Variants in TCERG1 observed in about 807,000 individuals in gnomAD.
TCERG1 encodes the protein transcription elongation regulator 1.
Under a neutral mutation model 144.7 loss-of-function variants are expected in TCERG1, and 37 were observed. That is an observed-to-expected ratio of 0.26 (90% CI 0.20 to 0.34). The LOEUF (loss-of-function observed/expected upper bound fraction) is 0.34, where lower values mean the gene tolerates loss of function less well. TCERG1 is among the 10% of genes least tolerant of loss of function. TCERG1 has a pLI of 1.00. For synonymous variants in TCERG1, 492 were observed against 458.2 expected (o/e 1.07, Z -0.94); for missense variants, 1,027 against 1,380.7 (o/e 0.74, Z 4.06).
chr5:146,510,416 C>G (rs1345707732), intron 22 of TCERG1, 25 bp from the exon 23 acceptor site: 1 of 1,560,644 alleles, frequency 6.4e-7, no homozygotes. Context: ...GTCAGTAATT[C>G]TTGGACTTCT....
chr5:146,482,115 CATT>C (rs1765413446), intron 13 of TCERG1: 1 of 152,118 alleles, frequency 6.6e-6, no homozygotes, highest in Non-Finnish European at 1.5e-5. Context: ...ATTACTAAAA[CATT>C]ATACCACTTA....
intron 9 of TCERG1, among the ~76,000 whole-genome samples, chr5:146,473,715 G>C (rs180673602): frequency 2.5e-4 from 38 of 152,306 alleles, no homozygotes; most frequent in African/African-American, 8.2e-4. Flanking sequence ...TTTATAAATG[G>C]AACAGCAGAG....
Position 146,507,886 on chromosome 5 carries a change from C to A in TCERG1, c.2975C>A (p.Ser992Tyr). 1 of 1,608,652 alleles carries A rather than the reference C, an allele frequency of 6.2e-7. No individual in the cohort carries two copies. Among genetic ancestry groups the A allele is most frequent in the South Asian group, 1.1e-5 (1 of 89,890 alleles). ...GTCTTTTCAAAGATTACCTTAACATCCACGTGGAAAGAAGTAAAAAAAATC... is the reference window on the plus strand; with the variant it reads ...GTCTTTTCAAAGATTACCTTAACATACACGTGGAAAGAAGTAAAAAAAATC... ...LDETSAITLT[S>Y]TWKEVKKIIK... Residue 992 changes from serine (S) to tyrosine (Y), a missense_variant, in exon 21 of 23, where the codon TCC becomes TAC. This residue lies in a region of TCERG1 where 133 missense variants were observed against 283.2 expected (regional missense o/e 0.47). Coordinates refer to ENST00000679501, the MANE Select transcript of TCERG1 (RefSeq NM_001382548.1). The surrounding 1 kb of genome is among the most constrained non-coding windows in gnomAD (Gnocchi z 4.6).
chr5:146,463,889 A>G (rs527717162), intron 5 of TCERG1, 96 bp downstream of exon 5: 2 of 1,532,100 alleles, frequency 1.3e-6, no homozygotes, highest in African/African-American at 1.4e-5. Context: ...TTTGCCTTGA[A>G]TCTCACCTGT....
intron 9 of TCERG1, among the ~76,000 whole-genome samples, chr5:146,473,902 G>GC (rs1245367567): frequency 2.0e-5 from 3 of 152,184 alleles, no homozygotes; most frequent in Non-Finnish European, 4.4e-5. Flanking sequence ...GTGTTTTCAT[G>GC]CCGCTAACAA....
chr5:146,468,315 C>T lies in TCERG1; in HGVS notation c.1136-26C>T, dbSNP rs370301195. ...CCGACATACAATGGCAGCTTTCCAACGTATGCTTGCTTATCCATTTTACAG... is the reference window on the plus strand; with the variant it reads ...CCGACATACAATGGCAGCTTTCCAATGTATGCTTGCTTATCCATTTTACAG... On this transcript the variant is annotated intron_variant, in intron 5 of 22. Coordinates refer to ENST00000679501, the MANE Select transcript of TCERG1 (RefSeq NM_001382548.1). 1.7e-5 allele frequency: 26 copies of T among 1,541,642 alleles called. 1 individual carries two copies. The highest frequency in any genetic ancestry group is 2.4e-5 in the East Asian group (1 of 41,118).
intron 1 of TCERG1, among the ~76,000 whole-genome samples, chr5:146,448,314 A>T (rs1270445978): frequency 6.6e-6 from 1 of 151,884 alleles, no homozygotes; most frequent in Non-Finnish European, 1.5e-5. Flanking sequence ...CATTTCCTTG[A>T]ACAGTGCAGT....
chr5:146,462,403 G>A (rs1038808874), intron 4 of TCERG1, among the ~76,000 whole-genome samples: 8 of 152,142 alleles, frequency 5.3e-5, no homozygotes, highest in African/African-American at 1.9e-4. Context: ...TTTTATTTTG[G>A]AACTAGATGG....
intron 9 of TCERG1, among the ~76,000 whole-genome samples, chr5:146,477,031 A>G (rs1764902964): frequency 6.6e-6 from 1 of 152,154 alleles, no homozygotes; most frequent in Non-Finnish European, 1.5e-5. Flanking sequence ...CTCAAAGTGC[A>G]GGTGTGAGAA....
intron 6 of TCERG1, 142 bp from the exon 7 acceptor site, chr5:146,469,402 C>A: frequency 1.6e-6 from 1 of 626,864 alleles, no homozygotes; most frequent in Non-Finnish European, 2.5e-6. Context: ...TTTTATGTCA[C>A]CTTTTTATAT....
intron 1 of TCERG1, 63 bp downstream of exon 1, chr5:146,447,471 C>T (rs571346986): frequency 2.6e-5 from 41 of 1,567,642 alleles, no homozygotes; most frequent in Non-Finnish European, 3.4e-5. Flanking sequence ...AGACGCTAGA[C>T]CTGCCATGTG....
At chr5:146,460,111 G>C (rs1485744453) in intron 4 of TCERG1, among the ~76,000 whole-genome samples, 1 of 152,052 alleles carries the variant, frequency 6.6e-6, no homozygotes, top group Non-Finnish European at 1.5e-5. Context: ...ACTGGGATGC[G>C]AGTAGGTGAA....
intron 1 of TCERG1, among the ~76,000 whole-genome samples, chr5:146,454,082 A>G (rs1411169334): frequency 2.6e-5 from 4 of 151,058 alleles, no homozygotes; most frequent in South Asian, 4.2e-4. Flanking sequence ...ATGGTGGCGC[A>G]TGCCTGTAGT....
At chr5:146,482,359 A>AT in intron 13 of TCERG1, 1 of 317,324 alleles carries the variant, frequency 3.2e-6, no homozygotes, top group Non-Finnish European at 5.7e-6. Context: ...TTAAAGGTGT[A>AT]TTTTTTTCCT....
intron 1 of TCERG1, among the ~76,000 whole-genome samples, chr5:146,454,079 C>T (rs1182187991): frequency 1.3e-5 from 2 of 150,318 alleles, no homozygotes; most frequent in African/African-American, 2.4e-5. Flanking sequence ...GGCATGGTGG[C>T]GCATGCCTGT....
intron 9 of TCERG1, among the ~76,000 whole-genome samples, chr5:146,477,348 CTG>C (rs1764933735): frequency 1.3e-5 from 2 of 152,254 alleles, no homozygotes; most frequent in South Asian, 4.1e-4. Flanking sequence ...GACTTGACAA[CTG>C]TTGATTAATT....
At chr5:146,474,627 A>G (rs112035255) in intron 9 of TCERG1, among the ~76,000 whole-genome samples, 5 of 152,246 alleles carry the variant, frequency 3.3e-5, no homozygotes, top group African/African-American at 1.2e-4. Context: ...AGAAAACTTC[A>G]TATTTGTCTT....
chr5:146,465,210 G>T (rs1358227784), intron 5 of TCERG1, among the ~76,000 whole-genome samples: 1 of 152,068 alleles, frequency 6.6e-6, no homozygotes, highest in Non-Finnish European at 1.5e-5. Context: ...TGTAATTTTG[G>T]TCTGCTTTAG....
chr5:146,452,179 A>G (rs1443156551), intron 1 of TCERG1, among the ~76,000 whole-genome samples: 1 of 152,190 alleles, frequency 6.6e-6, no homozygotes, highest in Non-Finnish European at 1.5e-5. Context: ...GTAATCTATA[A>G]GCAGAGGGTT....
Sources: allele counts gnomAD v4.1 joint callset (sites outside exome capture counted in the v4.1 genomes callset), GRCh38; gene constraint gnomAD v4.1.1; regional missense constraint gnomAD v4.1.1; non-coding constraint Gnocchi (gnomAD v3.1); transcripts MANE v1.5; gene names NCBI Gene and HGNC (gene_info 2026-07-23, HGNC 2026-07-21).